Variants in IP6K3 observed in about 807,000 individuals in gnomAD.
IP6K3 encodes ATP:1D-myo-inositol-hexakisphosphate phosphotransferase.
Under a neutral mutation model 28.8 loss-of-function variants are expected in IP6K3, and 20 were observed. That is an observed-to-expected ratio of 0.70 (90% confidence interval 0.49 to 1.01). The LOEUF (loss-of-function observed/expected upper bound fraction) is 1.01. IP6K3 is among the 50% of genes least tolerant of loss of function. IP6K3 has a pLI of 0.00. For synonymous variants in IP6K3, 213 were observed against 221.3 expected (o/e 0.96, Z 0.33); for missense variants, 480 against 537.1 (o/e 0.89, Z 1.05).
chr6:33,760,095 G>A, the IP6K3 span, among the ~76,000 whole-genome samples: 2 of 152,210 alleles, frequency 1.3e-5, no homozygotes, highest in Non-Finnish European at 2.9e-5. Context: ...GCACTAAGGG[G>A]TTAATTGCTC....
chr6:33,736,613 C>G (rs1293161161), intron 1 of IP6K3, among the ~76,000 whole-genome samples: 1 of 152,110 alleles, frequency 6.6e-6, no homozygotes, highest in Non-Finnish European at 1.5e-5. Flanking sequence ...GCCATGTTGG[C>G]CAGGCTGGTC....
intron 1 of IP6K3, among the ~76,000 whole-genome samples, chr6:33,740,839 C>A (rs552809018): frequency 1.3e-5 from 2 of 152,158 alleles, no homozygotes; most frequent in Non-Finnish European, 2.9e-5. Flanking sequence ...AGGTGGCAGA[C>A]GAAACCACAA....
At chr6:33,750,440 C>T (rs1767007783), upstream of IP6K3, among the ~76,000 whole-genome samples, 2 of 152,220 alleles carry the variant, frequency 1.3e-5, no homozygotes, top group African/African-American at 2.4e-5. This position sits in a 1 kb window ranked among gnomAD's most constrained non-coding sequence, Gnocchi z 4.3. Flanking sequence ...ATGCCAGCTC[C>T]AGCTCCAGTG....
chr6:33,740,359 C>T (rs113814132), intron 1 of IP6K3, among the ~76,000 whole-genome samples: 9 of 152,360 alleles, frequency 5.9e-5, no homozygotes, highest in African/African-American at 1.9e-4. Context: ...AATGAAGTAA[C>T]GCTGGGCCTC....
At chr6:33,738,976 G>T (rs1430312241) in intron 1 of IP6K3, among the ~76,000 whole-genome samples, 1 of 152,174 alleles carries the variant, frequency 6.6e-6, no homozygotes, top group Non-Finnish European at 1.5e-5. Context: ...CAGGCTGAAG[G>T]CCCATCTAGA....
intron 1 of IP6K3, among the ~76,000 whole-genome samples, chr6:33,739,538 A>G (rs541023766): frequency 3.0e-4 from 45 of 152,240 alleles, no homozygotes; most frequent in Middle Eastern, 6.8e-3. Flanking sequence ...ACTGATGCTG[A>G]CCTCAAATTC....
the IP6K3 span, among the ~76,000 whole-genome samples, chr6:33,755,664 GCCTGCCACACCCACTGGGGGT>G: frequency 2.0e-5 from 3 of 152,246 alleles, no homozygotes; most frequent in Non-Finnish European, 4.4e-5. Flanking sequence ...TGTACAGGCT[GCCTGCCACACCCACTGGGGGT>G]CCCCCCCGCT....
the IP6K3 span, among the ~76,000 whole-genome samples, chr6:33,754,528 C>T: frequency 1.3e-5 from 2 of 152,164 alleles, no homozygotes; most frequent in Non-Finnish European, 2.9e-5. Flanking sequence ...GCTGCCAGCC[C>T]ATTACTGTCG....
chr6:33,750,736 A>T (rs1388052251), upstream of IP6K3, among the ~76,000 whole-genome samples: 2 of 152,156 alleles, frequency 1.3e-5, no homozygotes, highest in Non-Finnish European at 2.9e-5. The surrounding 1 kb of genome is among the most constrained non-coding windows in gnomAD (Gnocchi z 4.3). Context: ...TGGGCTCGCC[A>T]TGCTCTGGCT....
intron 2 of IP6K3, among the ~76,000 whole-genome samples, chr6:33,730,661 C>T (rs1766288128): frequency 6.6e-6 from 1 of 152,142 alleles, no homozygotes; most frequent in South Asian, 2.1e-4. Context: ...CTGCTTTTCC[C>T]TTGCTACCAC....
At chr6:33,728,365 G>A in intron 2 of IP6K3, 65 bp from the exon 3 acceptor site, 4 of 1,432,690 alleles carry the variant, frequency 2.8e-6, no homozygotes, top group Non-Finnish European at 3.9e-6. Context: ...GGACATGCAG[G>A]AGTGATGACG....
upstream of IP6K3, among the ~76,000 whole-genome samples, chr6:33,750,103 A>G (rs1188341658): frequency 6.6e-6 from 1 of 152,062 alleles, no homozygotes; most frequent in African/African-American, 2.4e-5. This position sits in a 1 kb window ranked among gnomAD's most constrained non-coding sequence, Gnocchi z 4.3. Flanking sequence ...TTCATCCATC[A>G]CTATGTCCTG....
chr6:33,726,958 G>A (rs774989029), intron 3 of IP6K3, 52 bp from the exon 4 acceptor site: 36 of 1,496,412 alleles, frequency 2.4e-5, no homozygotes, highest in Admixed American at 7.7e-5. Flanking sequence ...GGGGAAGGGC[G>A]CCGCTGCCTG....
At chr6:33,740,592 A>T (rs1031480457) in intron 1 of IP6K3, among the ~76,000 whole-genome samples, 2 of 152,238 alleles carry the variant, frequency 1.3e-5, no homozygotes, top group Admixed American at 6.5e-5. Context: ...GAGTGGAGAC[A>T]CAGGACAATA....
intron 1 of IP6K3, among the ~76,000 whole-genome samples, chr6:33,739,833 C>CT (rs1171911442): frequency 1.3e-5 from 2 of 152,236 alleles, no homozygotes; most frequent in East Asian, 3.9e-4. Context: ...CCAGGCGCTC[C>CT]TGGAGCTTGC....
intron 2 of IP6K3, among the ~76,000 whole-genome samples, chr6:33,735,045 C>T (rs1395439376): frequency 6.6e-6 from 1 of 152,222 alleles, no homozygotes; most frequent in Non-Finnish European, 1.5e-5. Context: ...CCCTCAAAGC[C>T]TGGTGACTTG....
At chr6:33,733,929 G>A (rs1191645688) in intron 2 of IP6K3, among the ~76,000 whole-genome samples, 5 of 152,190 alleles carry the variant, frequency 3.3e-5, no homozygotes, top group African/African-American at 7.2e-5. Flanking sequence ...CTGGCTGGGC[G>A]CAGTGGCTCA....
rs914245450 is a variant in IP6K3, at chr6:33,744,533, T to C, written c.-180+2225A>G. 3.9e-5 allele frequency among the ~76,000 whole-genome samples: 6 copies of C among 152,114 alleles called. No homozygotes were observed. The highest frequency in any genetic ancestry group is 7.2e-5 in the African/African-American group (3 of 41,394). ...ATGCTTGTGCGTGTGTGGGAGTGTG[T>C]GGCTGAGGGAGAATGCAGGCAAGGT... On this transcript the variant is annotated intron_variant, in intron 1 of 5. Transcript: ENST00000293756. This position sits in a 1 kb window ranked among gnomAD's most constrained non-coding sequence, Gnocchi z 4.4.
intron 1 of IP6K3, among the ~76,000 whole-genome samples, chr6:33,737,734 G>T (rs1038548283): frequency 6.6e-6 from 1 of 152,220 alleles, no homozygotes; most frequent in African/African-American, 2.4e-5. Context: ...AGGATGCGGG[G>T]TGAGCCTTCT....
Sources: gnomAD v4.1 joint callset for allele counts (sites outside exome capture counted in the v4.1 genomes callset) on GRCh38, gnomAD v4.1.1 for gene constraint, Gnocchi (gnomAD v3.1) non-coding constraint, MANE v1.5 for transcripts, NCBI Gene and HGNC (gene_info 2026-07-23, HGNC 2026-07-21) for gene names.